Variants in MDFIC2 observed in about 807,000 individuals in gnomAD.
MDFIC2 encodes myoD family inhibitor domain-containing protein 2.
At chr3:70,228,216 A>G (rs1575601916) in intron 2 of MDFIC2, among the ~76,000 whole-genome samples, 1 of 152,210 alleles carries the variant, frequency 6.6e-6, no homozygotes, top group Non-Finnish European at 1.5e-5. Flanking sequence ...AATATCCACT[A>G]TGCTATCTAC....
chr3:70,244,531 A>G (rs1701688850), intron 2 of MDFIC2, among the ~76,000 whole-genome samples: 1 of 152,224 alleles, frequency 6.6e-6, no homozygotes, highest in African/African-American at 2.4e-5. Flanking sequence ...TAGGCTAACA[A>G]ATCTATTTGA....
intron 2 of MDFIC2, among the ~76,000 whole-genome samples, chr3:70,296,373 A>G (rs1370956264): frequency 6.6e-6 from 1 of 152,180 alleles, no homozygotes; most frequent in Non-Finnish European, 1.5e-5. Context: ...ACTGTTAACT[A>G]TGGGTTCCAG....
intron 2 of MDFIC2, among the ~76,000 whole-genome samples, chr3:70,278,259 C>T (rs559826857): frequency 1.7e-4 from 26 of 152,124 alleles, no homozygotes; most frequent in Middle Eastern, 3.4e-3. Flanking sequence ...TTGTGTGTAC[C>T]GGTAGTTCAA....
intron 2 of MDFIC2, among the ~76,000 whole-genome samples, chr3:70,242,395 T>A (rs939764147): frequency 6.6e-6 from 1 of 151,052 alleles, no homozygotes; most frequent in Non-Finnish European, 1.5e-5. Context: ...GGAAAATTTC[T>A]TTTTGTAGAA....
intron 2 of MDFIC2, among the ~76,000 whole-genome samples, chr3:70,260,972 T>C (rs560495951): frequency 6.6e-6 from 1 of 152,296 alleles, no homozygotes; most frequent in South Asian, 2.1e-4. Flanking sequence ...GTTTATAATA[T>C]TTGCAGAACT....
At chr3:70,245,147 A>C (rs1488512594) in intron 2 of MDFIC2, among the ~76,000 whole-genome samples, 1 of 152,170 alleles carries the variant, frequency 6.6e-6, no homozygotes, top group East Asian at 1.9e-4. Context: ...TCATTCATTT[A>C]GAAAATACAT....
At chr3:70,295,139 G>A (rs1230878895) in intron 2 of MDFIC2, among the ~76,000 whole-genome samples, 2 of 152,152 alleles carry the variant, frequency 1.3e-5, no homozygotes, top group African/African-American at 4.8e-5. Context: ...TCTGAGATGG[G>A]TGATGGAGTC....
intron 2 of MDFIC2, among the ~76,000 whole-genome samples, chr3:70,227,522 C>T (rs568507819): frequency 6.6e-6 from 1 of 152,208 alleles, no homozygotes; most frequent in African/African-American, 2.4e-5. Context: ...AGGGACAAGG[C>T]TAGAAGACAA....
intron 2 of MDFIC2, among the ~76,000 whole-genome samples, chr3:70,219,213 T>C (rs574922206): frequency 9.4e-4 from 143 of 152,314 alleles, no homozygotes; most frequent in African/African-American, 3.4e-3. Context: ...TCTGCAAATT[T>C]GGGTTTGATA....
chr3:70,245,955 G>A (rs928758601), intron 2 of MDFIC2, among the ~76,000 whole-genome samples: 2 of 150,474 alleles, frequency 1.3e-5, no homozygotes, highest in Admixed American at 1.3e-4. Flanking sequence ...TGCCTGCTTT[G>A]TTCTTTTGAT....
At chr3:70,248,141 G>C (rs1039514296) in intron 2 of MDFIC2, among the ~76,000 whole-genome samples, 9 of 152,002 alleles carry the variant, frequency 5.9e-5, no homozygotes, top group African/African-American at 7.2e-5. Context: ...ATTATTCTCT[G>C]TCCTGAAGTC....
chr3:70,199,341 C>G (rs1701212164), intron 3 of MDFIC2, among the ~76,000 whole-genome samples: 1 of 151,986 alleles, frequency 6.6e-6, no homozygotes, highest in African/African-American at 2.4e-5. Context: ...CTCTGGAGGT[C>G]TCCTCTTCTA....
chr3:70,227,860 G>C (rs1326886417), intron 2 of MDFIC2, among the ~76,000 whole-genome samples: 1 of 152,160 alleles, frequency 6.6e-6, no homozygotes, highest in Non-Finnish European at 1.5e-5. Context: ...GCAGAGCTGG[G>C]ATTTGAATAC....
chr3:70,281,375 G>A (rs1190236911), intron 2 of MDFIC2, among the ~76,000 whole-genome samples: 1 of 152,054 alleles, frequency 6.6e-6, no homozygotes, highest in Non-Finnish European at 1.5e-5. Flanking sequence ...TCTGTCTAAT[G>A]GGTACGATCA....
chr3:70,218,809 T>C (rs1438284904), intron 2 of MDFIC2, among the ~76,000 whole-genome samples: 1 of 152,198 alleles, frequency 6.6e-6, no homozygotes, highest in African/African-American at 2.4e-5. Flanking sequence ...GCATTGACTG[T>C]GCTTGGCGAA....
chr3:70,259,856 T>C (rs1222185600), intron 2 of MDFIC2, among the ~76,000 whole-genome samples: 1 of 152,058 alleles, frequency 6.6e-6, no homozygotes, highest in East Asian at 1.9e-4. Context: ...CTCAGGAAAC[T>C]TACAATCATG....
intron 1 of MDFIC2, 81 bp downstream of exon 1, chr3:70,312,459 GAGACCTATTAC>G (rs1559561166): frequency 6.6e-6 from 1 of 152,220 alleles, no homozygotes; most frequent in Admixed American, 6.5e-5. Flanking sequence ...AGGTGTTGAC[GAGACCTATTAC>G]GAACCTTCGG....
intron 2 of MDFIC2, among the ~76,000 whole-genome samples, chr3:70,279,696 A>G (rs1032694272): frequency 6.6e-6 from 1 of 152,102 alleles, no homozygotes. Flanking sequence ...ATGCAAACAC[A>G]CACCCTGGGG....
intron 2 of MDFIC2, among the ~76,000 whole-genome samples, chr3:70,208,552 C>A (rs1417032904): frequency 6.6e-6 from 1 of 152,032 alleles, no homozygotes; most frequent in Non-Finnish European, 1.5e-5. Flanking sequence ...CCAATTAAAT[C>A]ACAATCCTTG....
Sources: allele counts gnomAD v4.1 joint callset (sites outside exome capture counted in the v4.1 genomes callset), GRCh38; gene constraint gnomAD v4.1.1; transcripts MANE v1.5; gene names NCBI Gene and HGNC (gene_info 2026-07-23, HGNC 2026-07-21).